ANKRD13D: variants seen among roughly 807,000 people sequenced by gnomAD.
ANKRD13D encodes the protein ankyrin repeat domain 13D, also known as ankyrin repeat domain-containing protein 13D.
In ANKRD13D, 24 loss-of-function variants were observed where a neutral mutation model predicts 68.8. That is an observed-to-expected ratio of 0.35 (90% CI 0.25 to 0.49). The LOEUF (loss-of-function observed/expected upper bound fraction) is 0.49. Among genes scored for constraint, ANKRD13D ranks in the 20% least tolerant of loss-of-function variants. The pLI is 0.99. For synonymous variants in ANKRD13D, 331 were observed against 336.1 expected, an observed-to-expected ratio of 0.98 and a Z score of 0.16; for missense variants, 735 against 832.1, an observed-to-expected ratio of 0.88 and a Z score of 1.44.
chr11:67,301,042 C>G lies in ANKRD13D; in HGVS notation c.1126C>G (p.Gln376Glu). The G allele has an allele frequency of 1.2e-6, 2 of 1,614,024 alleles. No homozygotes were observed. Among genetic ancestry groups the G allele is most frequent in the South Asian group, 1.1e-5 (1 of 91,088 alleles). ...AGAGCACCCGCTCTCCCTGGGTGAC[C>G]AGGTGACCCCCATCATCGACCTAAT... ...SEEHPLSLGD[Q>E]VTPIIDLMAI... The change falls in exon 11 of 15, where the codon CAG becomes GAG. Residue 376 changes from glutamine (Q) to glutamate (E), a missense_variant. By Grantham distance (29) the Gln-to-Glu change is conservative (BLOSUM62 2). Transcript: ENST00000511455. This position sits in a 1 kb window ranked among gnomAD's most constrained non-coding sequence, Gnocchi z 4.5.
chr11:67,289,762 G>T, intron 1 of ANKRD13D: 3 of 1,411,920 alleles, frequency 2.1e-6, no homozygotes, highest in Non-Finnish European at 2.8e-6. Flanking sequence ...TGCCCTGCTC[G>T]CCCGAACTCG....
rs1353307596 is a variant in ANKRD13D, at chr11:67,299,894, C to G, written c.942+6C>G. On this transcript the variant is annotated splice_donor_region_variant and intron_variant, in intron 9 of 14. Transcript: ENST00000511455. This position sits in a 1 kb window ranked among gnomAD's most constrained non-coding sequence, Gnocchi z 6.2. The stretch of plus-strand genomic sequence containing the variant: ...AGCATTCCTCCCACACCGGGGTGAG[C>G]CGGGGCTGGGCCGAGACAGGGCTGG... 1.3e-6 allele frequency: 2 copies of G among 1,548,360 alleles called. No individual in the cohort carries two copies. The highest frequency in any genetic ancestry group is 8.7e-7 in the Non-Finnish European group (1 of 1,145,900).
At position 67,301,079 on chromosome 11, in the gene ANKRD13D, A is replaced by G; in HGVS notation, c.1163A>G (p.Asn388Ser). 1.2e-6 allele frequency: 2 copies of G among 1,614,038 alleles called. No individual in the cohort carries two copies. Among genetic ancestry groups the G allele is most frequent in the Non-Finnish European group, 1.7e-6 (2 of 1,180,018 alleles). ...TPIIDLMAISNAHFAKLRDFI... is the reference protein window; with the variant it reads ...TPIIDLMAISSAHFAKLRDFI... ...ATCATCGACCTAATGGCCATCAGCA[A>G]CGCTCACTTTGCCAAGCTGCGCGAC... Residue 388 changes from asparagine (N) to serine (S), a missense_variant, in exon 11 of 15, where the codon AAC (asparagine) becomes AGC (serine). Transcript: ENST00000511455. The surrounding 1 kb of genome is among the most constrained non-coding windows in gnomAD (Gnocchi z 4.5).
chr11:67,301,065 A>G lies in ANKRD13D; in HGVS notation c.1149A>G (p.Leu383=). ...ACCAGGTGACCCCCATCATCGACCT[A>G]ATGGCCATCAGCAACGCTCACTTTG... The part of the protein sequence containing the change: ...LGDQVTPIID[L]MAISNAHFAK... Residue 383 remains leucine (L), a synonymous_variant, in exon 11 of 15, where the codon CTA becomes CTG. Transcript: ENST00000511455. This position sits in a 1 kb window ranked among gnomAD's most constrained non-coding sequence, Gnocchi z 4.5. 1 of 1,613,830 alleles carries G rather than the reference A, an allele frequency of 6.2e-7. No individual in the cohort carries two copies. The highest frequency in any genetic ancestry group is 8.5e-7 in the Non-Finnish European group (1 of 1,179,938).
chr11:67,290,880 C>CTT (rs1565075262), intron 3 of ANKRD13D: 1 of 180,092 alleles, frequency 5.6e-6, no homozygotes, highest in African/African-American at 2.4e-5. Context: ...GAGTAGGACT[C>CTT]TGAGACCCAG....
chr11:67,299,350 C>T lies in ANKRD13D; in HGVS notation c.799-180C>T, dbSNP rs911985839. 12 of 708,912 alleles carry T rather than the reference C, an allele frequency of 1.7e-5. No individual in the cohort carries two copies. In the South Asian group the frequency reaches 2.0e-4, roughly 12 times the overall value. The allele number at this position is 708,912 out of a possible 1,614,324, so 43.9% of individuals were successfully genotyped here. On this transcript the variant is annotated intron_variant, in intron 7 of 14. Transcript: ENST00000511455. This position sits in a 1 kb window ranked among gnomAD's most constrained non-coding sequence, Gnocchi z 6.2. ...CAAAAGAGGAGTGTGTTCCTCTTGA[C>T]CCTGGGGCTGCATCTCCTCGTTGGT... is the stretch of plus-strand genomic sequence containing the variant.
chr11:67,297,509 G>A (rs1388923844), intron 6 of ANKRD13D, among the ~76,000 whole-genome samples: 1 of 139,034 alleles, frequency 7.2e-6, no homozygotes, highest in Non-Finnish European at 1.5e-5. Context: ...CTTTACCTGT[G>A]TCTCATAAGT....
Position 67,300,421 on chromosome 11 carries a change from C to T in ANKRD13D, c.1073+298C>T, listed in dbSNP as rs1347854963. The stretch of plus-strand genomic sequence containing the variant: ...GTGGCACAGTGGGAAGGGCCCCCAG[C>T]GACGTGGCCTGGGAGTGGAGCGTCT... On this transcript the variant is annotated intron_variant, in intron 10 of 14. Transcript: ENST00000511455. This position sits in a 1 kb window ranked among gnomAD's most constrained non-coding sequence, Gnocchi z 4.3. The T allele has an allele frequency of 4.9e-5, 20 of 408,636 alleles. No homozygotes were observed. Among genetic ancestry groups the T allele is most frequent in the East Asian group, 3.7e-4 (8 of 21,756 alleles). The allele number at this position is 408,636 out of a possible 1,614,324, so 25.3% of individuals were successfully genotyped here.
At chr11:67,289,617 T>TGGGGGGGGGGGGGGGGGGGGGGGGGGGG in intron 1 of ANKRD13D, 67 bp downstream of exon 1, 1 of 1,125,056 alleles carries the variant, frequency 8.9e-7, no homozygotes, top group Non-Finnish European at 1.1e-6. Flanking sequence ...GCCTCCGTCC[T>TGGGGGGGGGGGGGGGGGGGGGGGGGGGG]GGAGCCCCCC....
chr11:67,302,098 C>T (rs1281235821), intron 14 of ANKRD13D, 21 bp from the exon 15 acceptor site: 2 of 1,524,906 alleles, frequency 1.3e-6, no homozygotes, highest in African/African-American at 2.8e-5. Context: ...CTGTTCTTCC[C>T]TCCCCTGCCC....
chr11:67,302,183 C>T lies in ANKRD13D; in HGVS notation c.1669C>T (p.Pro557Ser). 1 of 1,594,486 alleles carries T rather than the reference C, an allele frequency of 6.3e-7. No individual in the cohort carries two copies. The highest frequency in any genetic ancestry group is 8.5e-7 in the Non-Finnish European group (1 of 1,171,380). ...GGGCCCAGGATCCCCTCCCAGGACA[C>T]CCCCAGCCCCCGGTCCACCCAGCTT... Reference protein sequence around the residue: ...PRGPGSPPRTPPAPGPPSFEE... With the variant: ...PRGPGSPPRTSPAPGPPSFEE... Residue 557 changes from proline (P) to serine (S), a missense_variant, in exon 15 of 15, where the codon CCC (proline) becomes TCC (serine). Physicochemically the swap from Pro to Ser is moderately conservative, Grantham distance 74 (BLOSUM62 -1). Coordinates refer to ENST00000511455, the MANE Select transcript of ANKRD13D (RefSeq NM_207354.3).
intron 6 of ANKRD13D, chr11:67,298,250 G>C (rs1450659726): frequency 6.6e-6 from 1 of 151,836 alleles, no homozygotes; most frequent in East Asian, 1.9e-4. Context: ...TTTTAGTAGA[G>C]ACGGGGTTTC....
In ANKRD13D at chr11:67,289,420, C is replaced by G. The variant is rs1419226306; in HGVS notation, c.-41C>G. ...GGAGGCTAGGGGGCCGTGCCAGGCC[C>G]GAAGCCGAGGCGGGGCCGGGATGCG... is the stretch of plus-strand genomic sequence containing the variant. On this transcript the variant is annotated 5_prime_UTR_variant, in exon 1 of 15. Transcript: ENST00000511455. 2.1e-6 allele frequency: 3 copies of G among 1,397,630 alleles called. No individual in the cohort carries two copies. The highest frequency in any genetic ancestry group is 9.3e-7 in the Non-Finnish European group (1 of 1,080,358). The allele number at this position is 1,397,630 out of a possible 1,614,324, so 86.6% of individuals were successfully genotyped here. A position where few individuals can be genotyped will look rare whatever the true frequency, so the allele number is the denominator to read the frequency against.
At chr11:67,294,549 T>G (rs998809703) in intron 6 of ANKRD13D, among the ~76,000 whole-genome samples, 7 of 150,912 alleles carry the variant, frequency 4.6e-5, no homozygotes, top group African/African-American at 1.2e-4. Context: ...GTTTTTTTGT[T>G]TTTTTTTTTG....
At chr11:67,291,351 CAAAA>C (rs369072835) in intron 3 of ANKRD13D, 121 bp from the exon 4 acceptor site, 3,821 of 494,460 alleles carry the variant, frequency 7.7e-3, no homozygotes, top group East Asian at 0.012. Flanking sequence ...GAGCAAGTCT[CAAAA>C]AAAAAAAAAA....
At chr11:67,294,007 A>G (rs1195224169) in intron 6 of ANKRD13D, among the ~76,000 whole-genome samples, 1 of 152,184 alleles carries the variant, frequency 6.6e-6, no homozygotes, top group African/African-American at 2.4e-5. Flanking sequence ...TTCCCACTGA[A>G]TGGTCTTGTC....
Position 67,300,069 on chromosome 11 carries a change from G to A in ANKRD13D, c.1019G>A (p.Ser340Asn), listed in dbSNP as rs1860918467. ...GAGGAGTACTTCGACCCCAACTTCA[G>A]CCTGGAGTCACGGAACATTGGCCGC... ...SPEEYFDPNF[S>N]LESRNIGRPI... Residue 340 changes from serine to asparagine, a missense_variant, in exon 10 of 15, where the codon AGC (serine) becomes AAC (asparagine). Coordinates refer to ENST00000511455, the MANE Select transcript of ANKRD13D (RefSeq NM_207354.3). The surrounding 1 kb of genome is among the most constrained non-coding windows in gnomAD (Gnocchi z 4.3). 6.2e-7 allele frequency: 1 copy of A among 1,614,098 alleles called. No individual in the cohort carries two copies.
Position 67,299,261 on chromosome 11 carries a change from C to A in ANKRD13D, c.798+137C>A. On this transcript the variant is annotated intron_variant, in intron 7 of 14. Coordinates refer to ENST00000511455, the MANE Select transcript of ANKRD13D (RefSeq NM_207354.3). The surrounding 1 kb of genome is among the most constrained non-coding windows in gnomAD (Gnocchi z 6.2). ...TGTGGGAACTCAGCGGGCCTGAGTG[C>A]CCAGCCCCTGCGGAGTACACAGGGC... 9.2e-7 allele frequency: 1 copy of A among 1,087,966 alleles called. No individual in the cohort carries two copies. The highest frequency in any genetic ancestry group is 1.4e-6 in the Non-Finnish European group (1 of 735,332). 67.4% of individuals were successfully genotyped at this position (1,087,966 alleles called of 1,614,324 possible). A position where few individuals can be genotyped will look rare whatever the true frequency, so the allele number is the denominator to read the frequency against.
In ANKRD13D at chr11:67,300,286, C is replaced by T. The variant is rs899764106; in HGVS notation, c.1073+163C>T. 5 of 1,004,540 alleles carry T rather than the reference C, an allele frequency of 5.0e-6. No homozygotes were observed. The highest frequency in any genetic ancestry group is 7.1e-6 in the Non-Finnish European group (5 of 708,284). The allele number at this position is 1,004,540 out of a possible 1,614,324, so 62.2% of individuals were successfully genotyped here. A position where few individuals can be genotyped will look rare whatever the true frequency, so the allele number is the denominator to read the frequency against. On this transcript the variant is annotated intron_variant, in intron 10 of 14. Transcript: ENST00000511455. This position sits in a 1 kb window ranked among gnomAD's most constrained non-coding sequence, Gnocchi z 4.3. ...GTCTGCCTTATCCATGGTCCTCAGC[C>T]CTTAGCAAGGGGCTTGGCACAGAAA...
Sources: allele counts gnomAD v4.1 joint callset (sites outside exome capture counted in the v4.1 genomes callset), GRCh38; gene constraint gnomAD v4.1.1; non-coding constraint Gnocchi (gnomAD v3.1); transcripts MANE v1.5; gene names NCBI Gene and HGNC (gene_info 2026-07-23, HGNC 2026-07-21).